The following MACROD2 variants were observed in gnomAD, a reference collection of about 807,000 sequenced individuals.
MACROD2 encodes the protein mono-ADP ribosylhydrolase 2.
In MACROD2, 36 loss-of-function variants were observed where a neutral mutation model predicts 70.4. The ratio of observed to expected loss-of-function variants is 0.51; its 90% CI spans 0.39 to 0.68. MACROD2 has a LOEUF of 0.68. Ranked by LOEUF, MACROD2 falls within the 30% of genes least tolerant of loss-of-function variation. The pLI is 0.00. For missense variants in MACROD2, 496 were observed against 538.4 expected, an observed-to-expected ratio of 0.92 and a Z score of 0.78; for synonymous variants, 172 against 178.8, an observed-to-expected ratio of 0.96 and a Z score of 0.30.
chr20:15,300,924 C>T (rs556989769), intron 6 of MACROD2, among the ~76,000 whole-genome samples: 29 of 152,264 alleles, frequency 1.9e-4, no homozygotes, highest in African/African-American at 6.3e-4. Context: ...CTTTGATTTC[C>T]CCCGTCTCAG....
chr20:15,413,190 G>T (rs528932789), intron 6 of MACROD2, among the ~76,000 whole-genome samples: 1 of 152,168 alleles, frequency 6.6e-6, no homozygotes, highest in Admixed American at 6.5e-5. Flanking sequence ...AAGGCAAAAT[G>T]TCATGGCATT....
chr20:15,461,006 A>ATATATATATATAT, intron 7 of MACROD2, among the ~76,000 whole-genome samples: 1 of 66,992 alleles, frequency 1.5e-5, no homozygotes, highest in Admixed American at 1.8e-4. Flanking sequence ...ATATATATAT[A>ATATATATATATAT]TTTTTTTTTA....
chr20:14,868,176 T>C (rs1391293862), intron 5 of MACROD2, among the ~76,000 whole-genome samples: 1 of 150,476 alleles, frequency 6.6e-6, no homozygotes, highest in Non-Finnish European at 1.5e-5. Flanking sequence ...CATATCTTTT[T>C]CTTTTTTCTT....
chr20:14,084,061 C>CAAAAAAAAAAA lies in MACROD2; in HGVS notation c.164-1551_164-1550insAAAAAAAAAAA, dbSNP rs1211049702. ...TGGGCGTCAGAGCGAGACTCCGTCT[C>CAAAAAAAAAAA]AAAAAAAAACAAAAAACAAACAAAA... is the stretch of plus-strand genomic sequence containing the variant. On this transcript the variant is annotated intron_variant, in intron 2 of 17. Transcript: ENST00000684519. Among the ~76,000 whole-genome samples the CAAAAAAAAAAA allele has an allele frequency of 3.0e-4, 18 of 59,854 alleles. 4 individuals are homozygous for CAAAAAAAAAAA. Among genetic ancestry groups the CAAAAAAAAAAA allele is most frequent in the East Asian group, 6.3e-4 (1 of 1,600 alleles). 39.3% of individuals were successfully genotyped at this position (59,854 alleles called of 152,430 possible).
At position 15,229,931 on chromosome 20, in the gene MACROD2, T is replaced by C. The variant is rs375409075; in HGVS notation, c.419-9T>C. On this transcript the variant is annotated splice_polypyrimidine_tract_variant and intron_variant, in intron 5 of 17. Coordinates refer to ENST00000684519, the MANE Select transcript of MACROD2 (RefSeq NM_001351661.2). ...CTTATCCTCTTTTTCCTTCCTTTTGTATTTACAGATGTCATCCATACTGTA... is the reference window on the plus strand; with the variant it reads ...CTTATCCTCTTTTTCCTTCCTTTTGCATTTACAGATGTCATCCATACTGTA... 6 of 1,595,632 alleles carry C rather than the reference T, an allele frequency of 3.8e-6. No individual in the cohort carries two copies. The African/African-American group carries it at 6.8e-5, about 18-fold the overall frequency.
At chr20:15,932,199 C>G (rs191500290) in intron 10 of MACROD2, among the ~76,000 whole-genome samples, 1 of 152,260 alleles carries the variant, frequency 6.6e-6, no homozygotes, top group African/African-American at 2.4e-5. Context: ...GCTCCCCACA[C>G]ATCTTTTCTC....
intron 10 of MACROD2, among the ~76,000 whole-genome samples, chr20:15,931,146 G>A (rs1417917088): frequency 6.6e-6 from 1 of 152,162 alleles, no homozygotes; most frequent in Non-Finnish European, 1.5e-5. Flanking sequence ...CTAAGTTTTT[G>A]GCACATGCTC....
At chr20:14,107,047 TTAAA>T (rs957494034) in intron 3 of MACROD2, among the ~76,000 whole-genome samples, 6 of 152,126 alleles carry the variant, frequency 3.9e-5, no homozygotes, top group African/African-American at 1.4e-4. Flanking sequence ...CCCAATGAAC[TTAAA>T]TAAGGTAGTA....
chr20:15,135,889 A>G (rs1003193459), intron 5 of MACROD2, among the ~76,000 whole-genome samples: 1 of 151,900 alleles, frequency 6.6e-6, no homozygotes, highest in African/African-American at 2.4e-5. Context: ...AAATCAATGT[A>G]CCAAAATCAC....
At chr20:15,482,442 C>T (rs1055503525) in intron 7 of MACROD2, among the ~76,000 whole-genome samples, 2 of 152,070 alleles carry the variant, frequency 1.3e-5, no homozygotes, top group Non-Finnish European at 2.9e-5. Context: ...TACCAATTGT[C>T]GATGAGGATG....
chr20:15,354,588 A>T (rs1010071380), intron 6 of MACROD2, among the ~76,000 whole-genome samples: 12 of 152,330 alleles, frequency 7.9e-5, no homozygotes, highest in Admixed American at 7.8e-4. Context: ...TAAGCTGTAA[A>T]TAAAATTATA....
At chr20:14,778,405 A>G (rs564919533) in intron 5 of MACROD2, among the ~76,000 whole-genome samples, 139 of 152,000 alleles carry the variant, frequency 9.1e-4, no homozygotes, top group Non-Finnish European at 1.3e-4. Flanking sequence ...CCCTCACCTC[A>G]TGTCTGTATT....
intron 3 of MACROD2, among the ~76,000 whole-genome samples, chr20:14,309,434 G>A (rs1386276304): frequency 6.6e-6 from 1 of 152,120 alleles, no homozygotes; most frequent in Non-Finnish European, 1.5e-5. Context: ...GTCAGGATTA[G>A]ATATAATAGT....
intron 8 of MACROD2, among the ~76,000 whole-genome samples, chr20:15,715,627 A>G (rs1027537109): frequency 5.9e-5 from 9 of 152,172 alleles, no homozygotes; most frequent in South Asian, 4.1e-4. Flanking sequence ...AAATCAAACA[A>G]TAGTGCAATA....
chr20:16,038,981 C>G (rs2147605257), intron 15 of MACROD2, among the ~76,000 whole-genome samples: 1 of 151,914 alleles, frequency 6.6e-6, no homozygotes, highest in Non-Finnish European at 1.5e-5. Flanking sequence ...TTCAGGGTAC[C>G]CCACCAAAAA....
At chr20:14,629,234 G>A (rs1984368373) in intron 4 of MACROD2, among the ~76,000 whole-genome samples, 1 of 152,094 alleles carries the variant, frequency 6.6e-6, no homozygotes, top group African/African-American at 2.4e-5. Context: ...GTATTAGGAT[G>A]TAATTGGTTC....
At chr20:15,783,915 C>T (rs1339136908) in intron 8 of MACROD2, among the ~76,000 whole-genome samples, 71 of 152,130 alleles carry the variant, frequency 4.7e-4, no homozygotes, top group Admixed American at 4.3e-3. Context: ...CCACTTCACA[C>T]GGATGCTGAC....
chr20:14,250,714 CAT>C lies in MACROD2; in HGVS notation c.271+164988_271+164989del, dbSNP rs563854612. 5.3e-5 allele frequency among the ~76,000 whole-genome samples: 8 copies of C among 152,046 alleles called. No individual in the cohort carries two copies. The South Asian group carries it at 1.5e-3, about 28-fold the overall frequency. The stretch of plus-strand genomic sequence containing the variant: ...GTCCTTAGTATATGTAATTTATTTC[CAT>C]AGAGTCTCTAGCTTGTTGTACTAAT... On this transcript the variant is annotated intron_variant, in intron 3 of 17. Transcript: ENST00000684519.
At chr20:14,199,408 G>C (rs929381027) in intron 3 of MACROD2, among the ~76,000 whole-genome samples, 1 of 152,230 alleles carries the variant, frequency 6.6e-6, no homozygotes, top group Non-Finnish European at 1.5e-5. Flanking sequence ...CAGCTGCATA[G>C]TTAACAATCA....
Sources: allele counts gnomAD v4.1 joint callset (sites outside exome capture counted in the v4.1 genomes callset), GRCh38; gene constraint gnomAD v4.1.1; transcripts MANE v1.5; gene names NCBI Gene and HGNC (gene_info 2026-07-23, HGNC 2026-07-21).